The following SLC8A1 variants were observed in gnomAD, a reference collection of about 807,000 sequenced individuals.
SLC8A1 encodes the protein sodium/calcium exchanger 1.
Under a neutral mutation model 68.3 loss-of-function variants are expected in SLC8A1, and 18 were observed. That is an observed-to-expected ratio of 0.26 (90% CI 0.18 to 0.39). SLC8A1 has a LOEUF of 0.39. SLC8A1 is among the 10% of genes least tolerant of loss of function. SLC8A1 has a pLI of 1.00. For synonymous variants in SLC8A1, 475 were observed against 415.5 expected (o/e 1.14, Z -1.74); for missense variants, 985 against 1,156.7 (o/e 0.85, Z 2.15).
At chr2:40,347,210 C>T (rs1041482160) in intron 2 of SLC8A1, among the ~76,000 whole-genome samples, 4 of 152,208 alleles carry the variant, frequency 2.6e-5, no homozygotes, top group African/African-American at 9.6e-5. Context: ...TCATAGCTCA[C>T]TGCAGCCCCA....
intron 1 of SLC8A1, among the ~76,000 whole-genome samples, chr2:40,510,526 A>G (rs1706652852): frequency 6.6e-6 from 1 of 152,204 alleles, no homozygotes; most frequent in Admixed American, 6.5e-5. Flanking sequence ...AACCTTTTAC[A>G]TATTGAAAAT....
chr2:40,388,253 T>C (rs917647241), intron 2 of SLC8A1, among the ~76,000 whole-genome samples: 4 of 152,136 alleles, frequency 2.6e-5, no homozygotes, highest in Non-Finnish European at 2.9e-5. Flanking sequence ...CTACAAAATA[T>C]AGAAACCATT....
At chr2:40,156,978 G>A (rs963704088) in intron 6 of SLC8A1, among the ~76,000 whole-genome samples, 39 of 152,144 alleles carry the variant, frequency 2.6e-4, no homozygotes, top group Non-Finnish European at 8.8e-5. Context: ...GCCTGGTACT[G>A]CCCCTTAACA....
At chr2:40,109,983 T>G (rs2034461326) in exon 8 of SLC8A1, 1 of 152,204 alleles carries the variant, frequency 6.6e-6, no homozygotes, top group Admixed American at 6.5e-5. Context: ...AACAATAATT[T>G]ACATAACCAC....
chr2:40,429,071 C>T, exon 2 of SLC8A1: 3 of 1,612,114 alleles, frequency 1.9e-6, no homozygotes, highest in Non-Finnish European at 2.5e-6. Context: ...CTAACAGGGT[C>T]ATTTTCAGTC....
chr2:40,499,825 A>C (rs1423958324), intron 1 of SLC8A1, among the ~76,000 whole-genome samples: 4 of 152,122 alleles, frequency 2.6e-5, no homozygotes, highest in Non-Finnish European at 5.9e-5. Flanking sequence ...TCTGGAACAC[A>C]GTCTTTGCCT....
At chr2:40,213,384 C>G (rs560239808) in intron 2 of SLC8A1, 2 of 152,292 alleles carry the variant, frequency 1.3e-5, no homozygotes, top group Non-Finnish European at 2.9e-5. Flanking sequence ...CACCCAGAAC[C>G]TGCTGATCAA....
intron 2 of SLC8A1, among the ~76,000 whole-genome samples, chr2:40,282,448 G>C (rs1443083034): frequency 6.6e-6 from 1 of 152,130 alleles, no homozygotes. Context: ...TGATACAAAG[G>C]ATGTCTAGTT....
At chr2:40,284,707 C>G (rs1034514642) in intron 2 of SLC8A1, among the ~76,000 whole-genome samples, 5 of 150,932 alleles carry the variant, frequency 3.3e-5, no homozygotes, top group Non-Finnish European at 7.4e-5. Context: ...GTTGCTTGGT[C>G]TTATTCTAAA....
At chr2:40,132,245 A>T (rs1319738001) in intron 7 of SLC8A1, among the ~76,000 whole-genome samples, 2 of 152,210 alleles carry the variant, frequency 1.3e-5, no homozygotes, top group African/African-American at 4.8e-5. Flanking sequence ...CAGATTATAA[A>T]AACGAGAGAT....
At chr2:40,361,887 CTTTTTTTTTTTTTTTTTTT>C (rs1172909749) in intron 2 of SLC8A1, among the ~76,000 whole-genome samples, 3 of 53,104 alleles carry the variant, frequency 5.6e-5, no homozygotes, top group South Asian at 6.8e-4. Flanking sequence ...CTTTTCTTTC[CTTTTTTTTTTTTTTTTTTT>C]TTTTTTTTTT....
intron 2 of SLC8A1, among the ~76,000 whole-genome samples, chr2:40,411,303 C>T (rs1166043102): frequency 6.6e-6 from 1 of 151,964 alleles, no homozygotes; most frequent in Non-Finnish European, 1.5e-5. Flanking sequence ...CAAATATTAG[C>T]AAAAACCCTT....
At chr2:40,160,844 A>C in exon 6 of SLC8A1, 5 of 1,613,066 alleles carry the variant, frequency 3.1e-6, no homozygotes, top group Non-Finnish European at 4.2e-6. Flanking sequence ...TTGTCTTCTT[A>C]ATGAGTTTGT....
At chr2:40,457,023 A>T (rs1214368160), upstream of SLC8A1, among the ~76,000 whole-genome samples, 1 of 152,180 alleles carries the variant, frequency 6.6e-6, no homozygotes, top group African/African-American at 2.4e-5. Context: ...CTTCACAATA[A>T]TTCTGTTCCC....
At chr2:40,473,266 C>T (rs543731546) in intron 1 of SLC8A1, among the ~76,000 whole-genome samples, 239 of 152,182 alleles carry the variant, frequency 1.6e-3, no homozygotes, top group Non-Finnish European at 2.2e-3. Context: ...ATAAATTAAA[C>T]TTATTTGGTA....
intron 2 of SLC8A1, among the ~76,000 whole-genome samples, chr2:40,368,355 A>G (rs1676926502): frequency 6.6e-6 from 1 of 152,014 alleles, no homozygotes; most frequent in African/African-American, 2.4e-5. Flanking sequence ...TTCTTTAGTA[A>G]CCCTACCAAA....
intron 2 of SLC8A1, among the ~76,000 whole-genome samples, chr2:40,286,313 A>C (rs905050507): frequency 1.3e-5 from 2 of 152,170 alleles, no homozygotes; most frequent in Non-Finnish European, 2.9e-5. Context: ...TCAAGCTTCC[A>C]TACTGTCATC....
chr2:40,262,323 A>C (rs1429025208), intron 2 of SLC8A1, among the ~76,000 whole-genome samples: 1 of 152,216 alleles, frequency 6.6e-6, no homozygotes, highest in Non-Finnish European at 1.5e-5. Flanking sequence ...AGAAACAATG[A>C]GTAAGTAGTT....
intron 3 of SLC8A1, among the ~76,000 whole-genome samples, chr2:40,175,631 T>C (rs2048341669): frequency 1.3e-5 from 2 of 152,270 alleles, no homozygotes; most frequent in African/African-American, 2.4e-5. Flanking sequence ...AGTGGAAACA[T>C]TGTATGAAAT....
Sources: allele counts gnomAD v4.1 joint callset (sites outside exome capture counted in the v4.1 genomes callset), GRCh38; gene constraint gnomAD v4.1.1; transcripts MANE v1.5; gene names NCBI Gene and HGNC (gene_info 2026-07-23, HGNC 2026-07-21).